TRDN: variants seen among roughly 807,000 people sequenced by gnomAD.
The protein encoded by TRDN is triadin, also known as triadin in skeletal muscle.
A neutral mutation model predicts 149.7 loss-of-function variants in TRDN; 161 were observed. The observed-to-expected ratio is 1.08, with a 90% CI of 0.95 to 1.23. The LOEUF (loss-of-function observed/expected upper bound fraction) is 1.23, where lower values mean the gene tolerates loss of function less well. TRDN is among the 50% of genes most tolerant of loss of function. TRDN has a pLI of 0.00. For missense variants in TRDN, 896 were observed against 823.5 expected, an observed-to-expected ratio of 1.09 and a Z score of -1.08; for synonymous variants, 294 against 250.5, an observed-to-expected ratio of 1.17 and a Z score of -1.64.
chr6:123,510,241 G>C (rs186331876), intron 7 of TRDN: 76 of 151,916 alleles, frequency 5.0e-4, no homozygotes, highest in Admixed American at 4.9e-3. Flanking sequence ...ATGATATTTG[G>C]TTATCTAACG....
At chr6:123,265,242 A>C (rs1255273745) in intron 33 of TRDN, 76 bp downstream of exon 33, 1 of 1,108,204 alleles carries the variant, frequency 9.0e-7, no homozygotes, top group Non-Finnish European at 1.3e-6. Context: ...ATTTAACTTC[A>C]GTTATAACTC....
chr6:123,309,426 C>A (rs887737401), intron 24 of TRDN, among the ~76,000 whole-genome samples: 1 of 151,838 alleles, frequency 6.6e-6, no homozygotes, highest in Admixed American at 6.6e-5. Flanking sequence ...TTTCATGTAA[C>A]AAATATGCTA....
At chr6:123,331,279 GA>G (rs1779649841) in intron 23 of TRDN, among the ~76,000 whole-genome samples, 1 of 152,022 alleles carries the variant, frequency 6.6e-6, no homozygotes, top group Admixed American at 6.6e-5. Context: ...TATCACAATG[GA>G]AAGGCTAGAG....
At chr6:123,264,765 A>G (rs1776882408) in intron 33 of TRDN, among the ~76,000 whole-genome samples, 1 of 152,086 alleles carries the variant, frequency 6.6e-6, no homozygotes, top group Non-Finnish European at 1.5e-5. Flanking sequence ...TTCATCAGTT[A>G]GCACCCATCA....
intron 29 of TRDN, among the ~76,000 whole-genome samples, chr6:123,272,260 T>G (rs999770950): frequency 7.2e-5 from 11 of 151,986 alleles, no homozygotes; most frequent in Non-Finnish European, 1.2e-4. Context: ...GGCCTAACTA[T>G]ATTCACAAAT....
intron 10 of TRDN, among the ~76,000 whole-genome samples, chr6:123,443,536 TA>T (rs1775077378): frequency 6.6e-6 from 1 of 152,040 alleles, no homozygotes; most frequent in South Asian, 2.1e-4. Flanking sequence ...CTCACACCTG[TA>T]ATCTCAGCAC....
intron 12 of TRDN, among the ~76,000 whole-genome samples, chr6:123,403,060 C>G (rs1398195179): frequency 6.6e-6 from 1 of 152,102 alleles, no homozygotes; most frequent in African/African-American, 2.4e-5. Context: ...GAAGTGTAAA[C>G]TGAAATTAAG....
In TRDN at chr6:123,279,011, T is replaced by A. The variant is rs368876710; in HGVS notation, c.1537+45A>T. ...ATTTAAGATTTGTTTTATGTATGTA[T>A]GTACATATGTACGTGTTTGTTTATT... On this transcript the variant is annotated intron_variant, in intron 25 of 40. Coordinates refer to ENST00000334268, the MANE Select transcript of TRDN (RefSeq NM_006073.4). The A allele has an allele frequency of 1.9e-6, 3 of 1,553,424 alleles. No homozygotes were observed. In the African/African-American group the frequency reaches 4.1e-5, roughly 21 times the overall value.
chr6:123,633,616 T>C (rs1054134335), intron 1 of TRDN, among the ~76,000 whole-genome samples: 4 of 152,116 alleles, frequency 2.6e-5, no homozygotes, highest in African/African-American at 7.2e-5. Flanking sequence ...ATTGCTGTTA[T>C]AATTATCTTT....
chr6:123,318,811 A>G (rs995367836), intron 23 of TRDN, among the ~76,000 whole-genome samples: 4 of 152,054 alleles, frequency 2.6e-5, no homozygotes, highest in African/African-American at 9.7e-5. Context: ...TATACCAACT[A>G]TGGGTACAAT....
intron 38 of TRDN, among the ~76,000 whole-genome samples, chr6:123,236,513 A>T (rs1328133131): frequency 6.6e-6 from 1 of 152,142 alleles, no homozygotes; most frequent in African/African-American, 2.4e-5. Flanking sequence ...CATGTCTTGT[A>T]ACTCTTTGTC....
At chr6:123,235,474 C>A (rs1413882005) in intron 38 of TRDN, among the ~76,000 whole-genome samples, 1 of 152,026 alleles carries the variant, frequency 6.6e-6, no homozygotes, top group Non-Finnish European at 1.5e-5. Context: ...AAGATAAGGT[C>A]AGGTAAGTGA....
chr6:123,524,102 TCC>T (rs747244320), intron 5 of TRDN, among the ~76,000 whole-genome samples: 57 of 152,124 alleles, frequency 3.7e-4, no homozygotes, highest in Non-Finnish European at 7.1e-4. Context: ...TTAAAAGCTA[TCC>T]TGGTGATCTA....
chr6:123,575,566 GATATGT>G lies in TRDN; in HGVS notation c.23-4440_23-4435del, dbSNP rs570198419. 8.2e-4 allele frequency among the ~76,000 whole-genome samples: 125 copies of G among 152,174 alleles called. 3 individuals are homozygous for G. In the East Asian group the frequency reaches 0.02, roughly 24 times the overall value. On this transcript the variant is annotated intron_variant, in intron 1 of 40. Coordinates refer to ENST00000334268, the MANE Select transcript of TRDN (RefSeq NM_006073.4). Reference sequence around the variant, plus strand: ...CTCAGAATTGGAGCAGAGCAGCTAGGATATGTAAAGCACTTTCCAGGCCTGCTTTTT... The same window carrying G: ...CTCAGAATTGGAGCAGAGCAGCTAGGAAAGCACTTTCCAGGCCTGCTTTTT...
At chr6:123,530,079 A>G (rs547669203) in intron 5 of TRDN, among the ~76,000 whole-genome samples, 9 of 152,090 alleles carry the variant, frequency 5.9e-5, no homozygotes, top group African/African-American at 2.2e-4. Flanking sequence ...GACCTCTGCC[A>G]TGAGGTCATA....
At chr6:123,636,298 AT>A (rs1786312177) in intron 1 of TRDN, among the ~76,000 whole-genome samples, 1 of 152,050 alleles carries the variant, frequency 6.6e-6, no homozygotes, top group Non-Finnish European at 1.5e-5. Context: ...CCATTTAAAA[AT>A]ATCATAAAGC....
At chr6:123,282,434 C>A (rs1198868353) in intron 24 of TRDN, among the ~76,000 whole-genome samples, 1 of 151,820 alleles carries the variant, frequency 6.6e-6, no homozygotes, top group Non-Finnish European at 1.5e-5. Context: ...ATCCACATAT[C>A]TGTAAATAGA....
intron 2 of TRDN, among the ~76,000 whole-genome samples, chr6:123,551,571 C>T (rs1282205925): frequency 6.6e-6 from 1 of 151,992 alleles, no homozygotes; most frequent in Non-Finnish European, 1.5e-5. Context: ...TAATTATATA[C>T]ATGACTGTGA....
chr6:123,625,544 G>A (rs1000948435), intron 1 of TRDN, among the ~76,000 whole-genome samples: 25 of 152,244 alleles, frequency 1.6e-4, no homozygotes, highest in Non-Finnish European at 3.7e-4. Flanking sequence ...TAGCACAATA[G>A]TGACTACAGT....
Sources: gnomAD v4.1 joint callset for allele counts (sites outside exome capture counted in the v4.1 genomes callset) on GRCh38, gnomAD v4.1.1 for gene constraint, MANE v1.5 for transcripts, NCBI Gene and HGNC (gene_info 2026-07-23, HGNC 2026-07-21) for gene names.